Variants in DDX60L observed in about 807,000 individuals in gnomAD.
The protein encoded by DDX60L is probable ATP-dependent RNA helicase DDX60-like.
A neutral mutation model predicts 211.6 loss-of-function variants in DDX60L; 191 were observed. The observed-to-expected ratio is 0.90, with a 90% CI of 0.80 to 1.02. The LOEUF is 1.02. Among genes scored for constraint, DDX60L ranks in the 50% least tolerant of loss-of-function variants. The pLI is 0.00. For missense variants in DDX60L, 2,007 were observed against 1,984.1 expected, an observed-to-expected ratio of 1.01 and a Z score of -0.22; for synonymous variants, 706 against 694.1, an observed-to-expected ratio of 1.02 and a Z score of -0.27.
In DDX60L at chr4:168,420,311, G is replaced by C. The variant is rs764211679; in HGVS notation, c.2464C>G (p.Leu822Val). The C allele has an allele frequency of 6.2e-7, 1 of 1,611,714 alleles. No homozygotes were observed. Among genetic ancestry groups the C allele is most frequent in the Non-Finnish European group, 8.5e-7 (1 of 1,179,050 alleles). The change falls in exon 18 of 38, where the codon CTA (leucine) becomes GTA (valine). Residue 822 changes from leucine to valine, a missense_variant. Coordinates refer to ENST00000682922, the MANE Select transcript of DDX60L (RefSeq NM_001012967.3). Reference sequence around the variant, plus strand: ...TAATCTCTTGTAAAAGCACCGCATAGAGTTCTGCCGGCAGGCAACGTTTTA... The same window carrying C: ...TAATCTCTTGTAAAAGCACCGCATACAGTTCTGCCGGCAGGCAACGTTTTA... ...FTKTLPAGRT[L>V]CGAFTRDYCH...
At chr4:168,450,064 G>A (rs927346138) in intron 8 of DDX60L, among the ~76,000 whole-genome samples, 4 of 152,062 alleles carry the variant, frequency 2.6e-5, no homozygotes, top group Non-Finnish European at 2.9e-5. Context: ...GGGACTCGGC[G>A]GCCCATGGAG....
In DDX60L at chr4:168,391,611, T is replaced by A. The variant is rs1744830009; in HGVS notation, c.3844A>T (p.Ile1282Phe). The A allele has an allele frequency of 6.3e-7, 1 of 1,590,128 alleles. No individual in the cohort carries two copies. The highest frequency in any genetic ancestry group is 8.6e-7 in the Non-Finnish European group (1 of 1,167,282). The change falls in exon 29 of 38, where the codon ATC becomes TTC. Residue 1282 changes from isoleucine to phenylalanine, a missense_variant. Physicochemically the swap from Ile to Phe is conservative, Grantham distance 21. Transcript: ENST00000682922. Reference protein sequence around the residue: ...VTATETLALGIHMPCKSVVFA... With the variant: ...VTATETLALGFHMPCKSVVFA... ...ACAACAGATTTGCATGGCATGTGGA[T>A]CCCTAAGGCAAGTGTTTCAGTAGCT...
At chr4:168,436,513 C>T (rs55996627) in intron 10 of DDX60L, among the ~76,000 whole-genome samples, 20,339 of 152,194 alleles carry the variant, frequency 0.13, 1,898 homozygotes, top group Non-Finnish European at 0.19. Flanking sequence ...GTAGAATAGT[C>T]TAACAGCATT....
chr4:168,421,639 A>G, intron 17 of DDX60L, 121 bp downstream of exon 17: 2 of 1,371,434 alleles, frequency 1.5e-6, no homozygotes, highest in Non-Finnish European at 2.0e-6. Flanking sequence ...TGAGTGACAG[A>G]GCAAGACTCT....
chr4:168,451,249 T>A (rs996155255), intron 8 of DDX60L, among the ~76,000 whole-genome samples: 16 of 152,236 alleles, frequency 1.1e-4, no homozygotes, highest in Admixed American at 1.0e-3. Context: ...GAACCACTCA[T>A]GGGCTGATGT....
intron 5 of DDX60L, among the ~76,000 whole-genome samples, chr4:168,460,512 C>T (rs1423053553): frequency 6.6e-6 from 1 of 152,122 alleles, no homozygotes; most frequent in African/African-American, 2.4e-5. Context: ...ATCTGGGCGG[C>T]AGGACACCCT....
At chr4:168,408,518 T>C (rs888579331) in intron 22 of DDX60L, among the ~76,000 whole-genome samples, 4 of 152,172 alleles carry the variant, frequency 2.6e-5, no homozygotes, top group Admixed American at 2.0e-4. Context: ...TAAAATTATA[T>C]AGAAAGACAA....
chr4:168,372,462 A>G (rs1029308209), intron 35 of DDX60L, among the ~76,000 whole-genome samples: 3 of 152,194 alleles, frequency 2.0e-5, no homozygotes, highest in African/African-American at 7.2e-5. Flanking sequence ...ATGGTGGCTC[A>G]TGCCTGTAAT....
chr4:168,421,661 A>T, intron 17 of DDX60L, 99 bp downstream of exon 17: 1 of 1,484,066 alleles, frequency 6.7e-7, no homozygotes, highest in Non-Finnish European at 9.1e-7. Flanking sequence ...TCTCAAAAAT[A>T]AAATAACAGT....
chr4:168,448,608 A>G, intron 9 of DDX60L, 30 bp downstream of exon 9: 1 of 1,458,950 alleles, frequency 6.9e-7, no homozygotes, highest in Non-Finnish European at 9.3e-7. Flanking sequence ...TTTGTTCATG[A>G]TATAATGTTA....
chr4:168,420,452 A>C, intron 17 of DDX60L, 72 bp from the exon 18 acceptor site: 4 of 1,078,854 alleles, frequency 3.7e-6, no homozygotes, highest in East Asian at 2.7e-5. Flanking sequence ...GGACAACCGA[A>C]TCCATACACA....
rs1010527700 is a variant in DDX60L, at chr4:168,390,377, A to G, written c.3915+1163T>C. 6 of 1,191,848 alleles carry G rather than the reference A, an allele frequency of 5.0e-6. No individual in the cohort carries two copies. In the South Asian group the frequency reaches 2.5e-4, roughly 49 times the overall value. 73.8% of individuals were successfully genotyped at this position (1,191,848 alleles called of 1,614,324 possible). ...TGTTTTTCATAACAGAACATGGTAA[A>G]AGGTGATATGGTCTATAGCTATACT... is the stretch of plus-strand genomic sequence containing the variant. On this transcript the variant is annotated intron_variant, in intron 29 of 37. Transcript: ENST00000682922.
At chr4:168,389,941 A>C (rs1369132348) in intron 29 of DDX60L, among the ~76,000 whole-genome samples, 1 of 152,232 alleles carries the variant, frequency 6.6e-6, no homozygotes, top group Non-Finnish European at 1.5e-5. Context: ...TAAATAACAT[A>C]GAAATAATAT....
intron 8 of DDX60L, among the ~76,000 whole-genome samples, chr4:168,449,637 CA>C (rs59043240): frequency 1.4e-3 from 62 of 44,836 alleles, no homozygotes; most frequent in East Asian, 3.5e-3. Flanking sequence ...AACATTAAAA[CA>C]AAAAAAAAAA....
intron 6 of DDX60L, among the ~76,000 whole-genome samples, chr4:168,456,610 A>T (rs1317614292): frequency 6.6e-6 from 1 of 152,170 alleles, no homozygotes; most frequent in Non-Finnish European, 1.5e-5. Context: ...AGATAAAAGT[A>T]CAGGTAGGTA....
intron 22 of DDX60L, among the ~76,000 whole-genome samples, chr4:168,410,747 A>T (rs188208372): frequency 6.6e-6 from 1 of 152,286 alleles, no homozygotes; most frequent in African/African-American, 2.4e-5. Flanking sequence ...CGAAAACTTC[A>T]TCTTCTCAAT....
intron 9 of DDX60L, among the ~76,000 whole-genome samples, chr4:168,443,849 G>A (rs1754328003): frequency 6.6e-6 from 1 of 150,708 alleles, no homozygotes; most frequent in Non-Finnish European, 1.5e-5. Flanking sequence ...TCACCACCAG[G>A]CCTGCCATAC....
At chr4:168,417,311 G>A (rs372665598) in intron 19 of DDX60L, among the ~76,000 whole-genome samples, 1 of 152,014 alleles carries the variant, frequency 6.6e-6, no homozygotes, top group East Asian at 1.9e-4. Context: ...CCCATCTCAG[G>A]CCACTTTCCC....
intron 19 of DDX60L, 104 bp from the exon 20 acceptor site, chr4:168,416,901 A>C: frequency 3.4e-6 from 2 of 584,928 alleles, no homozygotes; most frequent in Non-Finnish European, 5.9e-6. Flanking sequence ...CCTATAAATG[A>C]CCTAACCTAA....
Sources: allele counts gnomAD v4.1 joint callset (sites outside exome capture counted in the v4.1 genomes callset), GRCh38; gene constraint gnomAD v4.1.1; transcripts MANE v1.5; gene names NCBI Gene and HGNC (gene_info 2026-07-23, HGNC 2026-07-21).